TRAPPC12: variants seen among roughly 807,000 people sequenced by gnomAD.
The protein encoded by TRAPPC12 is TPR repeat protein 15.
In TRAPPC12, 61 loss-of-function variants were observed where a neutral mutation model predicts 69.2. That is an observed-to-expected ratio of 0.88 (90% CI 0.72 to 1.09). The LOEUF is 1.09. Ranked by LOEUF, TRAPPC12 falls within the 50% of genes least tolerant of loss-of-function variation. TRAPPC12 has a pLI of 0.00. For synonymous variants in TRAPPC12, 469 were observed against 438.9 expected (o/e 1.07, Z -0.86); for missense variants, 1,101 against 1,016.4 (o/e 1.08, Z -1.13).
In TRAPPC12 at chr2:3,387,671, G is replaced by T. The variant is rs1160387701; in HGVS notation, c.48G>T (p.Pro16=). Residue 16 remains proline, a synonymous_variant, in exon 2 of 12, where the codon CCG becomes CCT. Transcript: ENST00000324266. The stretch of plus-strand genomic sequence containing the variant: ...AGGAGACCCCGGCCCCGGAGGCCCC[G>T]CACCCCCCTCAGCTCGCGCCTCCGG... ...GGEETPAPEA[P]HPPQLAPPEE... is the part of the protein sequence containing the mutation. 2 of 1,554,260 alleles carry T rather than the reference G, an allele frequency of 1.3e-6. No homozygotes were observed. The highest frequency in any genetic ancestry group is 1.7e-6 in the Non-Finnish European group (2 of 1,148,680).
intron 5 of TRAPPC12, among the ~76,000 whole-genome samples, chr2:3,438,496 C>A (rs1456131781): frequency 7.4e-6 from 1 of 135,692 alleles, no homozygotes; most frequent in African/African-American, 2.8e-5. Flanking sequence ...GGATTAATCC[C>A]CCGCCACCCC....
chr2:3,424,381 G>A, intron 4 of TRAPPC12, 144 bp from the exon 5 acceptor site: 2 of 698,960 alleles, frequency 2.9e-6, no homozygotes, highest in Non-Finnish European at 4.6e-6. Flanking sequence ...ATACGATTGT[G>A]TAAATATGCA....
intron 2 of TRAPPC12, among the ~76,000 whole-genome samples, chr2:3,398,215 A>T (rs1053958008): frequency 1.3e-5 from 2 of 152,098 alleles, no homozygotes; most frequent in Non-Finnish European, 2.9e-5. Context: ...GTGATCTGGG[A>T]TGTATAGCTA....
chr2:3,479,020 T>TGCGC, intron 11 of TRAPPC12, 87 bp downstream of exon 11: 2 of 1,497,712 alleles, frequency 1.3e-6, no homozygotes, highest in Admixed American at 3.7e-5. Flanking sequence ...AGCAGGGGCC[T>TGCGC]GCGCTCTCTC....
intron 7 of TRAPPC12, 154 bp downstream of exon 7, chr2:3,457,847 A>G: frequency 6.9e-7 from 1 of 1,450,776 alleles, no homozygotes. Flanking sequence ...TTTCTTGGGG[A>G]AGCCAAGCAC....
Position 3,479,438 on chromosome 2 carries a change from A to G in TRAPPC12, c.2185A>G (p.Thr729Ala), listed in dbSNP as rs760275909. ...VAGKEGDSFNTQCLKLA is the reference protein window; with the variant it reads ...VAGKEGDSFNAQCLKLA ...CGGCAAGGAGGGGGACAGCTTCAAC[A>G]CACAGTGCCTCAAGCTGGCCTAGCT... The change falls in exon 12 of 12, where the codon ACA (threonine) becomes GCA (alanine). Residue 729 changes from threonine to alanine, a missense_variant. Physicochemically the swap from Thr to Ala is moderately conservative, Grantham distance 58. Coordinates refer to ENST00000324266, the MANE Select transcript of TRAPPC12 (RefSeq NM_016030.6). The G allele has an allele frequency of 9.9e-6, 16 of 1,613,960 alleles. 1 individual carries two copies. The South Asian group carries it at 1.6e-4, about 17-fold the overall frequency.
chr2:3,388,006 G>C lies in TRAPPC12; in HGVS notation c.383G>C (p.Gly128Ala), dbSNP rs1660583324. 6.8e-7 allele frequency: 1 copy of C among 1,467,646 alleles called. No homozygotes were observed. The highest frequency in any genetic ancestry group is 9.0e-7 in the Non-Finnish European group (1 of 1,116,640). The allele number at this position is 1,467,646 out of a possible 1,614,324, so 90.9% of individuals were successfully genotyped here. Residue 128 changes from glycine to alanine, a missense_variant, in exon 2 of 12, where the codon GGA becomes GCA. By Grantham distance (60) the Gly-to-Ala change is moderately conservative. Coordinates refer to ENST00000324266, the MANE Select transcript of TRAPPC12 (RefSeq NM_016030.6). ...CAPEDAAPSS[G>A]GAPRQDAARE... is the part of the protein sequence containing the mutation. Reference sequence around the variant, plus strand: ...CCCGAGGACGCGGCACCCAGTAGCGGAGGGGCCCCGAGGCAGGACGCGGCC... The same window carrying C: ...CCCGAGGACGCGGCACCCAGTAGCGCAGGGGCCCCGAGGCAGGACGCGGCC...
At chr2:3,400,727 C>T (rs191999439) in intron 2 of TRAPPC12, among the ~76,000 whole-genome samples, 1 of 152,282 alleles carries the variant, frequency 6.6e-6, no homozygotes, top group African/African-American at 2.4e-5. Context: ...TGACAGTTTT[C>T]TCTGCACTGT....
intron 3 of TRAPPC12, among the ~76,000 whole-genome samples, chr2:3,409,741 C>CTTTTTTTTTTTTTTTTTTTTT (rs1558358525): frequency 1.7e-4 from 9 of 51,750 alleles, no homozygotes; most frequent in Non-Finnish European, 3.3e-4. Context: ...CAAAGCAAGA[C>CTTTTTTTTTTTTTTTTTTTTT]TTTGTCTTTA....
At chr2:3,459,289 T>C (rs1212898089) in intron 7 of TRAPPC12, among the ~76,000 whole-genome samples, 3 of 152,172 alleles carry the variant, frequency 2.0e-5, no homozygotes, top group Non-Finnish European at 4.4e-5. Context: ...TTCGAGGAAG[T>C]AGACACAGCA....
intron 2 of TRAPPC12, among the ~76,000 whole-genome samples, chr2:3,398,531 G>A (rs1201182947): frequency 6.6e-6 from 1 of 152,244 alleles, no homozygotes; most frequent in East Asian, 1.9e-4. Flanking sequence ...GCCAGGTGCA[G>A]GGGCTGCTGC....
chr2:3,465,451 G>C (rs112618136), intron 8 of TRAPPC12, 146 bp from the exon 9 acceptor site: 2 of 614,362 alleles, frequency 3.3e-6, no homozygotes, highest in African/African-American at 3.6e-5. Context: ...CGAGCACCGC[G>C]TGCTGGTTTC....
rs192008445 is a variant in TRAPPC12, at chr2:3,470,391, C to T, written c.1776+4696C>T. Among the ~76,000 whole-genome samples, 978 of 152,360 alleles carry T rather than the reference C, an allele frequency of 6.4e-3. 7 individuals carry two copies. Among genetic ancestry groups the T allele is most frequent in the Non-Finnish European group, 9.1e-3 (616 of 68,030 alleles). On this transcript the variant is annotated intron_variant, in intron 9 of 11. Transcript: ENST00000324266. The stretch of plus-strand genomic sequence containing the variant: ...CGCTGCTGTGCGTGGTTCGCAGCCC[C>T]GGCAAACGATGGCCTGCACTGCGTG...
At chr2:3,449,377 A>C (rs1664725588) in intron 6 of TRAPPC12, 1 of 152,570 alleles carries the variant, frequency 6.6e-6, no homozygotes, top group African/African-American at 2.4e-5. Context: ...CCCTCCCTGC[A>C]GTTCCGCAGC....
In TRAPPC12 at chr2:3,387,671, G is replaced by A. The variant is rs1160387701; in HGVS notation, c.48G>A (p.Pro16=). The A allele has an allele frequency of 6.4e-6, 10 of 1,554,260 alleles. No individual in the cohort carries two copies. Among genetic ancestry groups the A allele is most frequent in the African/African-American group, 5.5e-5 (4 of 73,242 alleles). Residue 16 remains proline (P), a synonymous_variant, in exon 2 of 12, where the codon CCG becomes CCA. Transcript: ENST00000324266. The part of the protein sequence containing the change: ...GGEETPAPEA[P]HPPQLAPPEE... ...AGGAGACCCCGGCCCCGGAGGCCCC[G>A]CACCCCCCTCAGCTCGCGCCTCCGG...
chr2:3,468,543 C>A (rs1415082655), intron 9 of TRAPPC12, among the ~76,000 whole-genome samples: 1 of 152,184 alleles, frequency 6.6e-6, no homozygotes. Flanking sequence ...GTAAGCGTAA[C>A]TTGCTGTCTT....
intron 6 of TRAPPC12, chr2:3,449,577 CTTTG>C (rs1161114280): frequency 2.6e-5 from 4 of 152,184 alleles, no homozygotes; most frequent in South Asian, 2.1e-4. Flanking sequence ...GTAGTGAGAG[CTTTG>C]TTTGTAGGAA....
intron 5 of TRAPPC12, among the ~76,000 whole-genome samples, chr2:3,430,550 A>C (rs1663368730): frequency 1.3e-5 from 2 of 152,348 alleles, no homozygotes; most frequent in Non-Finnish European, 2.9e-5. Flanking sequence ...GTTGAGGTTC[A>C]TTCTATATAG....
intron 3 of TRAPPC12, among the ~76,000 whole-genome samples, chr2:3,420,542 C>T (rs562996421): frequency 6.6e-6 from 1 of 152,336 alleles, no homozygotes; most frequent in Admixed American, 6.5e-5. Flanking sequence ...TCAGCCATTG[C>T]TGAGCCTGCA....
Sources: allele counts gnomAD v4.1 joint callset (sites outside exome capture counted in the v4.1 genomes callset), GRCh38; gene constraint gnomAD v4.1.1; transcripts MANE v1.5; gene names NCBI Gene and HGNC (gene_info 2026-07-23, HGNC 2026-07-21).